Variants in STX8 observed in about 807,000 individuals in gnomAD.
STX8 encodes syntaxin 8.
A neutral mutation model predicts 37.5 loss-of-function variants in STX8; 23 were observed. The ratio of observed to expected loss-of-function variants is 0.61; its 90% CI spans 0.44 to 0.87. STX8 has a LOEUF of 0.87. Among genes scored for constraint, STX8 ranks in the 40% least tolerant of loss-of-function variants. The pLI, the probability that STX8 is intolerant of heterozygous loss-of-function variation, is 0.00. For synonymous variants in STX8, 115 were observed against 99.1 expected, an observed-to-expected ratio of 1.16 and a Z score of -0.95; for missense variants, 313 against 284.7, an observed-to-expected ratio of 1.10 and a Z score of -0.71.
chr17:9,343,979 G>A (rs1398856503), intron 7 of STX8, among the ~76,000 whole-genome samples: 1 of 152,022 alleles, frequency 6.6e-6, no homozygotes, highest in Non-Finnish European at 1.5e-5. Context: ...GAGTAAATAG[G>A]TTACATGAGG....
At chr17:9,390,083 G>C (rs867214929) in intron 6 of STX8, among the ~76,000 whole-genome samples, 1 of 152,202 alleles carries the variant, frequency 6.6e-6, no homozygotes, top group Non-Finnish European at 1.5e-5. Flanking sequence ...CACAGGGAAA[G>C]CTCCTTTGCC....
intron 4 of STX8, among the ~76,000 whole-genome samples, chr17:9,519,781 G>T (rs1905275992): frequency 6.7e-6 from 1 of 149,638 alleles, no homozygotes; most frequent in Non-Finnish European, 1.5e-5. Context: ...TCATGTTTTT[G>T]CATGAGTCTG....
intron 4 of STX8, among the ~76,000 whole-genome samples, chr17:9,539,652 C>T (rs1906197499): frequency 6.8e-6 from 1 of 146,182 alleles, no homozygotes; most frequent in South Asian, 2.2e-4. Flanking sequence ...AGTGACAAAG[C>T]AACCCAACTG....
intron 7 of STX8, among the ~76,000 whole-genome samples, chr17:9,355,147 G>A (rs1384721602): frequency 6.6e-6 from 1 of 152,068 alleles, no homozygotes; most frequent in Non-Finnish European, 1.5e-5. Context: ...GCTGGATATT[G>A]ATAATGGACT....
chr17:9,339,376 CG>C (rs2142228702), intron 7 of STX8, among the ~76,000 whole-genome samples: 1 of 152,210 alleles, frequency 6.6e-6, no homozygotes, highest in African/African-American at 2.4e-5. Flanking sequence ...CTCCTCAGGC[CG>C]GGTGCAGTGG....
intron 6 of STX8, among the ~76,000 whole-genome samples, chr17:9,466,733 G>A (rs1905627851): frequency 6.6e-6 from 1 of 152,146 alleles, no homozygotes; most frequent in South Asian, 2.1e-4. Context: ...AGGGTTACCA[G>A]GACAGTGGTG....
intron 7 of STX8, among the ~76,000 whole-genome samples, chr17:9,311,605 A>C (rs1176797711): frequency 6.6e-6 from 1 of 152,230 alleles, no homozygotes; most frequent in African/African-American, 2.4e-5. Flanking sequence ...GAATATAAAC[A>C]GAGTCTAGTT....
intron 7 of STX8, among the ~76,000 whole-genome samples, chr17:9,353,795 CA>C (rs1343853999): frequency 6.6e-6 from 1 of 152,152 alleles, no homozygotes; most frequent in Non-Finnish European, 1.5e-5. Context: ...TTTAAATTAA[CA>C]GATTTTTCTT....
intron 6 of STX8, among the ~76,000 whole-genome samples, chr17:9,391,466 A>T (rs529573062): frequency 6.6e-6 from 1 of 152,254 alleles, no homozygotes; most frequent in East Asian, 1.9e-4. Flanking sequence ...GAATTTAAAA[A>T]TATTAAATAA....
chr17:9,413,694 A>AT (rs1377285011), intron 6 of STX8, among the ~76,000 whole-genome samples: 1 of 152,190 alleles, frequency 6.6e-6, no homozygotes, highest in African/African-American at 2.4e-5. Flanking sequence ...TATCCACAGA[A>AT]TAAATAGGTG....
intron 6 of STX8, among the ~76,000 whole-genome samples, chr17:9,425,937 A>G (rs918621028): frequency 5.3e-5 from 8 of 152,210 alleles, no homozygotes; most frequent in African/African-American, 1.7e-4. Flanking sequence ...ATGCACGCGC[A>G]CACACACACA....
chr17:9,259,353 A>G (rs1382989473), intron 7 of STX8, among the ~76,000 whole-genome samples: 1 of 152,196 alleles, frequency 6.6e-6, no homozygotes, highest in Admixed American at 6.5e-5. Context: ...ACGGGTGCCT[A>G]GTGGTCGCAG....
chr17:9,567,651 ACT>A (rs1427254685), intron 2 of STX8, among the ~76,000 whole-genome samples: 1 of 152,182 alleles, frequency 6.6e-6, no homozygotes, highest in African/African-American at 2.4e-5. Context: ...AAATCCCACC[ACT>A]GTTTTTATAC....
chr17:9,365,756 G>A (rs1259484068), intron 7 of STX8, among the ~76,000 whole-genome samples: 1 of 152,254 alleles, frequency 6.6e-6, no homozygotes, highest in Non-Finnish European at 1.5e-5. Flanking sequence ...GGCGGAACAT[G>A]AGGTTAGGAG....
intron 7 of STX8, among the ~76,000 whole-genome samples, chr17:9,256,394 C>A (rs528388031): frequency 3.0e-4 from 46 of 152,206 alleles, no homozygotes; most frequent in African/African-American, 1.1e-3. Flanking sequence ...TTCTCTTTCT[C>A]CCTCCCTCCT....
chr17:9,324,102 T>C (rs926108388), intron 7 of STX8, among the ~76,000 whole-genome samples: 3 of 142,650 alleles, frequency 2.1e-5, no homozygotes, highest in Non-Finnish European at 4.5e-5. Context: ...TCTCTCTCTC[T>C]CTCTCTGTCT....
chr17:9,255,527 A>AAAATAAAT lies in STX8; in HGVS notation c.644-4890_644-4883dup, dbSNP rs1202028600. Among the ~76,000 whole-genome samples the AAAATAAAT allele has an allele frequency of 6.7e-3, 924 of 138,640 alleles. 7 individuals are homozygous for AAAATAAAT. The highest frequency in any genetic ancestry group is 0.023 in the African/African-American group (879 of 38,288). 91.0% of individuals were successfully genotyped at this position (138,640 alleles called of 152,430 possible). A position where few individuals can be genotyped will look rare whatever the true frequency, so the allele number is the denominator to read the frequency against. Reference sequence around the variant, plus strand: ...GGGCAACAGAGCAAGACTCCATCTCAAAATAAATAAATAAATAAATAAATA... The same window carrying AAAATAAAT: ...GGGCAACAGAGCAAGACTCCATCTCAAAATAAATAAATAAATAAATAAATAAATAAATA... On this transcript the variant is annotated intron_variant, in intron 7 of 7. Transcript: ENST00000306357.
chr17:9,527,249 G>A (rs538502649), intron 4 of STX8, among the ~76,000 whole-genome samples: 1 of 147,542 alleles, frequency 6.8e-6, no homozygotes, highest in East Asian at 2.0e-4. Context: ...TTAGAATCCA[G>A]CCTGGGCAAC....
At chr17:9,349,136 C>T (rs964420038) in intron 7 of STX8, among the ~76,000 whole-genome samples, 6 of 150,464 alleles carry the variant, frequency 4.0e-5, no homozygotes, top group Admixed American at 1.3e-4. Context: ...GGATTATAGG[C>T]GTCCACTTCC....
Sources: allele counts gnomAD v4.1 joint callset (sites outside exome capture counted in the v4.1 genomes callset), GRCh38; gene constraint gnomAD v4.1.1; transcripts MANE v1.5; gene names NCBI Gene and HGNC (gene_info 2026-07-23, HGNC 2026-07-21).